The following NAV2 variants were observed in gnomAD, a reference collection of about 807,000 sequenced individuals.
The protein encoded by NAV2 is neuron navigator 2, also known as helicase, APC down-regulated 1.
Under a neutral mutation model 223.2 loss-of-function variants are expected in NAV2, and 54 were observed. That is an observed-to-expected ratio of 0.24 (90% CI 0.19 to 0.30). NAV2 has a LOEUF of 0.30. Among genes scored for constraint, NAV2 ranks in the 10% least tolerant of loss-of-function variants. The pLI is 1.00. For missense variants in NAV2, 2,806 were observed against 3,147.5 expected, an observed-to-expected ratio of 0.89 and a Z score of 2.60; for synonymous variants, 1,279 against 1,239.3, an observed-to-expected ratio of 1.03 and a Z score of -0.67.
chr11:19,655,294 G>A (rs1296613302), intron 1 of NAV2, among the ~76,000 whole-genome samples: 1 of 152,150 alleles, frequency 6.6e-6, no homozygotes. Flanking sequence ...ACTGTTGGTG[G>A]GACTGTAAAC....
At chr11:20,068,767 G>T (rs998708798) in intron 22 of NAV2, among the ~76,000 whole-genome samples, 1 of 152,176 alleles carries the variant, frequency 6.6e-6, no homozygotes, top group Admixed American at 6.5e-5. Context: ...AAAGAAGGGG[G>T]AAGAAAAGAA....
intron 1 of NAV2, among the ~76,000 whole-genome samples, chr11:19,646,437 C>T (rs552501405): frequency 6.6e-6 from 1 of 152,258 alleles, no homozygotes; most frequent in African/African-American, 2.4e-5. Context: ...AGGCAGGCTT[C>T]CTCATTCTTT....
At chr11:19,533,459 A>G (rs2044087941) in intron 1 of NAV2, among the ~76,000 whole-genome samples, 1 of 152,006 alleles carries the variant, frequency 6.6e-6, no homozygotes, top group Non-Finnish European at 1.5e-5. Context: ...CCCTCCTACA[A>G]AGGCCATCAG....
rs143783828 is a variant in NAV2, at chr11:19,829,061, G to T, written c.268-3423G>T. ...ACTCACAAAGAAACCTAGTTGTAGA[G>T]ACAGTATGTCTATTTTAAAGAACCT... On this transcript the variant is annotated intron_variant, in intron 1 of 37. Transcript: ENST00000349880. 6.2e-3 allele frequency among the ~76,000 whole-genome samples: 948 copies of T among 152,314 alleles called. 9 individuals are homozygous for T. Among genetic ancestry groups the T allele is most frequent in the African/African-American group, 0.022 (915 of 41,560 alleles).
At chr11:19,788,490 C>T (rs1286595725) in intron 1 of NAV2, among the ~76,000 whole-genome samples, 2 of 152,176 alleles carry the variant, frequency 1.3e-5, no homozygotes, top group Non-Finnish European at 2.9e-5. Flanking sequence ...ATTTCATAGA[C>T]GAGGACACCT....
chr11:19,646,431 A>G (rs1328106541), intron 1 of NAV2, among the ~76,000 whole-genome samples: 1 of 152,194 alleles, frequency 6.6e-6, no homozygotes, highest in Admixed American at 6.5e-5. Context: ...TTTGGCAGGC[A>G]GGCTTCCTCA....
chr11:20,044,511 A>G (rs1157512650), intron 13 of NAV2, among the ~76,000 whole-genome samples: 1 of 152,216 alleles, frequency 6.6e-6, no homozygotes, highest in East Asian at 1.9e-4. Context: ...GTTTAACTAG[A>G]CACTGGGTGA....
intron 1 of NAV2, among the ~76,000 whole-genome samples, chr11:19,491,302 C>A (rs1489583800): frequency 6.6e-6 from 1 of 152,304 alleles, no homozygotes; most frequent in Admixed American, 6.5e-5. Flanking sequence ...TATGAAAGTC[C>A]TACATGGCAT....
chr11:19,479,988 C>T (rs998372571), intron 1 of NAV2, among the ~76,000 whole-genome samples: 2 of 152,272 alleles, frequency 1.3e-5, no homozygotes, highest in Admixed American at 1.3e-4. Flanking sequence ...GGGGGGAAAA[C>T]ATAGTCACTC....
chr11:19,830,080 C>G (rs770528214), intron 1 of NAV2, among the ~76,000 whole-genome samples: 2 of 152,042 alleles, frequency 1.3e-5, no homozygotes, highest in Non-Finnish European at 2.9e-5. Flanking sequence ...CAAAAATTAG[C>G]CAAGCGTGGT....
chr11:19,388,695 G>T (rs1849135177), intron 1 of NAV2, among the ~76,000 whole-genome samples: 2 of 152,072 alleles, frequency 1.3e-5, no homozygotes, highest in Non-Finnish European at 1.5e-5. Flanking sequence ...AGCAGTGTAG[G>T]TACGCTGGGC....
rs138128037 is a variant in NAV2, at chr11:19,746,445, G to A, written c.267+32483G>A. Among the ~76,000 whole-genome samples the A allele has an allele frequency of 2.6e-5, 4 of 152,230 alleles. No individual in the cohort carries two copies. In the East Asian group the frequency reaches 7.7e-4, roughly 29 times the overall value. On this transcript the variant is annotated intron_variant, in intron 1 of 37. Transcript: ENST00000349880. ...TCTTATTTTAATGTAAGTAGAGCAT[G>A]ATTGGAAATTCAGAATTAGACTGCC...
At chr11:19,493,029 T>A (rs2042680992) in intron 1 of NAV2, among the ~76,000 whole-genome samples, 1 of 152,172 alleles carries the variant, frequency 6.6e-6, no homozygotes, top group Non-Finnish European at 1.5e-5. Flanking sequence ...ATGTACAAAG[T>A]AGGCTGATAA....
intron 1 of NAV2, among the ~76,000 whole-genome samples, chr11:19,801,734 G>A (rs76312558): frequency 0.063 from 9,579 of 152,164 alleles, 859 homozygotes; most frequent in African/African-American, 0.2. Flanking sequence ...TCAAATCCCG[G>A]CACTATCACT....
intron 1 of NAV2, among the ~76,000 whole-genome samples, chr11:19,703,611 C>CT (rs1323145621): frequency 6.6e-6 from 1 of 152,176 alleles, no homozygotes. Context: ...GCTGGACTGG[C>CT]TGAGTGTTTC....
At chr11:19,900,728 A>G (rs1168814460) in intron 6 of NAV2, among the ~76,000 whole-genome samples, 1 of 152,198 alleles carries the variant, frequency 6.6e-6, no homozygotes, top group African/African-American at 2.4e-5. Context: ...GGAAGTATTT[A>G]TACCTCATTT....
At chr11:20,054,753 T>C (rs562299472) in intron 18 of NAV2, among the ~76,000 whole-genome samples, 3 of 152,358 alleles carry the variant, frequency 2.0e-5, no homozygotes, top group African/African-American at 7.2e-5. Flanking sequence ...TGCCTACTTC[T>C]GACATAATGC....
chr11:20,116,794 T>C (rs2063134514), intron 37 of NAV2, among the ~76,000 whole-genome samples: 1 of 152,264 alleles, frequency 6.6e-6, no homozygotes, highest in Non-Finnish European at 1.5e-5. Context: ...CTGCTCTTTC[T>C]GCCCAGGGCC....
chr11:19,829,546 G>A (rs2059819527), intron 1 of NAV2, among the ~76,000 whole-genome samples: 1 of 152,194 alleles, frequency 6.6e-6, no homozygotes, highest in Admixed American at 6.5e-5. Flanking sequence ...GCATGTGCCA[G>A]ATTCTGTGAC....
Sources: allele counts gnomAD v4.1 joint callset (sites outside exome capture counted in the v4.1 genomes callset), GRCh38; gene constraint gnomAD v4.1.1; transcripts MANE v1.5; gene names NCBI Gene and HGNC (gene_info 2026-07-23, HGNC 2026-07-21).